The following EFCAB6 variants were observed in gnomAD, a reference collection of about 807,000 sequenced individuals.
EFCAB6 encodes the protein EF-hand calcium binding domain 6, also known as EF-hand calcium-binding domain-containing protein 6.
In EFCAB6, 156 loss-of-function variants were observed where a neutral mutation model predicts 169.8. The observed-to-expected ratio is 0.92, with a 90% CI of 0.81 to 1.05. EFCAB6 has a LOEUF of 1.05. EFCAB6 is among the 50% of genes least tolerant of loss of function. The probability of loss-of-function intolerance (pLI) is 0.00; values close to 1 mark genes in which losing one functional copy is unlikely to be tolerated. For missense variants in EFCAB6, 1,800 were observed against 1,829.1 expected (o/e 0.98, Z 0.29); for synonymous variants, 698 against 676.4 (o/e 1.03, Z -0.50).
In EFCAB6 at chr22:43,668,987, C is replaced by A. The variant is rs768585043; in HGVS notation, c.1699G>T (p.Ala567Ser). Reference sequence around the variant, plus strand: ...GGTGGGCCATCAATTCCTATGCATGCCAAAAGTTTCTTGTAAAGGATTCTT... The same window carrying A: ...GGTGGGCCATCAATTCCTATGCATGACAAAAGTTTCTTGTAAAGGATTCTT... The part of the protein sequence containing the change: ...SGRILYKKLL[A>S]CIGIDGPPTV... The change falls in exon 16 of 32, where the codon GCA becomes TCA. Residue 567 changes from alanine to serine, a missense_variant. By Grantham distance (99) the Ala-to-Ser change is moderately conservative (BLOSUM62 1). Coordinates refer to ENST00000262726, the MANE Select transcript of EFCAB6 (RefSeq NM_022785.4). The A allele has an allele frequency of 1.2e-6, 2 of 1,612,206 alleles. No individual in the cohort carries two copies. Among genetic ancestry groups the A allele is most frequent in the East Asian group, 2.2e-5 (1 of 44,810 alleles).
chr22:43,566,692 C>T (rs1368230595), intron 26 of EFCAB6, among the ~76,000 whole-genome samples: 1 of 152,228 alleles, frequency 6.6e-6, no homozygotes, highest in Non-Finnish European at 1.5e-5. Context: ...AACACAGAAG[C>T]CTCCTGAAAA....
At chr22:43,769,192 C>T (rs975038681) in intron 4 of EFCAB6, among the ~76,000 whole-genome samples, 1 of 152,148 alleles carries the variant, frequency 6.6e-6, no homozygotes, top group African/African-American at 2.4e-5. Context: ...CAAATTCATG[C>T]TGTAACATGG....
intron 5 of EFCAB6, among the ~76,000 whole-genome samples, chr22:43,760,576 A>C (rs1368603916): frequency 6.6e-6 from 1 of 151,776 alleles, no homozygotes; most frequent in Non-Finnish European, 1.5e-5. Flanking sequence ...GTTCCTCCAA[A>C]ATTTAGGTGT....
chr22:43,768,770 T>C (rs985960549), intron 4 of EFCAB6, among the ~76,000 whole-genome samples: 2 of 152,210 alleles, frequency 1.3e-5, no homozygotes, highest in African/African-American at 4.8e-5. Context: ...GTACTTTTGC[T>C]CTTCCTGCAT....
At chr22:43,532,580 C>CTTTTTTTT (rs34388230) in intron 30 of EFCAB6, among the ~76,000 whole-genome samples, 4 of 146,242 alleles carry the variant, frequency 2.7e-5, no homozygotes, top group Non-Finnish European at 3.0e-5. Context: ...TGTCTAAAGT[C>CTTTTTTTT]TTTTTTTTTT....
chr22:43,645,083 C>T (rs1280464830), intron 17 of EFCAB6, among the ~76,000 whole-genome samples: 1 of 152,130 alleles, frequency 6.6e-6, no homozygotes, highest in Non-Finnish European at 1.5e-5. Context: ...GTCTAGGGGT[C>T]ACAAATTGAA....
chr22:43,784,678 C>T (rs113082911), intron 2 of EFCAB6, among the ~76,000 whole-genome samples: 10,749 of 35,322 alleles, frequency 0.3, 905 homozygotes, highest in Middle Eastern at 0.39. Context: ...TACATATATA[C>T]ACACACACAC....
intron 11 of EFCAB6, 27 bp downstream of exon 11, chr22:43,687,444 T>C: frequency 7.9e-7 from 1 of 1,271,832 alleles, no homozygotes; most frequent in Non-Finnish European, 1.1e-6. Context: ...GTAACTAAAA[T>C]TTGTTTTTTT....
intron 4 of EFCAB6, among the ~76,000 whole-genome samples, 189 bp from the exon 5 acceptor site, chr22:43,765,582 AAT>A (rs1191365588): frequency 1.3e-5 from 2 of 152,190 alleles, no homozygotes; most frequent in Non-Finnish European, 2.9e-5. Context: ...ATTCTCAGCA[AAT>A]AGAGTGTAAA....
intron 23 of EFCAB6, among the ~76,000 whole-genome samples, chr22:43,595,588 C>A (rs2051936954): frequency 6.6e-6 from 1 of 152,044 alleles, no homozygotes; most frequent in African/African-American, 2.4e-5. Flanking sequence ...TGAGTAACAA[C>A]ATCAAAGCAG....
At chr22:43,770,788 T>C (rs1434522006) in intron 4 of EFCAB6, among the ~76,000 whole-genome samples, 1 of 151,444 alleles carries the variant, frequency 6.6e-6, no homozygotes, top group Non-Finnish European at 1.5e-5. Context: ...CAGAAAAAAA[T>C]TTGAGAAAAT....
At chr22:43,771,662 A>G (rs930970907) in intron 4 of EFCAB6, among the ~76,000 whole-genome samples, 4 of 152,020 alleles carry the variant, frequency 2.6e-5, no homozygotes, top group African/African-American at 9.7e-5. Context: ...CCCCAAGGAT[A>G]CAGTCCACAG....
intron 6 of EFCAB6, among the ~76,000 whole-genome samples, chr22:43,748,058 T>G (rs190888211): frequency 6.6e-6 from 1 of 152,166 alleles, no homozygotes; most frequent in Non-Finnish European, 1.5e-5. Context: ...AATAACCACA[T>G]GGTGTCCCCA....
intron 18 of EFCAB6, 26 bp downstream of exon 18, chr22:43,635,076 A>C: frequency 6.3e-7 from 1 of 1,592,604 alleles, no homozygotes; most frequent in Non-Finnish European, 8.6e-7. Context: ...CGCATCCCAC[A>C]GGGTGTGGAC....
At chr22:43,553,713 C>T (rs1173080566) in intron 27 of EFCAB6, 1 of 152,338 alleles carries the variant, frequency 6.6e-6, no homozygotes, top group African/African-American at 2.4e-5. Flanking sequence ...AAGGCAGACT[C>T]TGAGGACGCC....
chr22:43,749,215 G>A (rs915543147), intron 6 of EFCAB6, among the ~76,000 whole-genome samples: 1 of 152,110 alleles, frequency 6.6e-6, no homozygotes, highest in Admixed American at 6.5e-5. Flanking sequence ...ATGAGTGGTA[G>A]AACCATTTAC....
At chr22:43,709,040 T>C (rs1178639458) in intron 10 of EFCAB6, among the ~76,000 whole-genome samples, 1 of 152,166 alleles carries the variant, frequency 6.6e-6, no homozygotes, top group Non-Finnish European at 1.5e-5. Flanking sequence ...TTCATAGATA[T>C]CATCACTCTG....
At chr22:43,679,909 A>G (rs1290477121) in intron 12 of EFCAB6, among the ~76,000 whole-genome samples, 1 of 152,178 alleles carries the variant, frequency 6.6e-6, no homozygotes, top group Non-Finnish European at 1.5e-5. Context: ...TGATTTGCAT[A>G]TATCTTCTCC....
intron 25 of EFCAB6, among the ~76,000 whole-genome samples, chr22:43,578,708 A>T (rs995737843): frequency 8.6e-5 from 13 of 152,008 alleles, no homozygotes; most frequent in African/African-American, 3.1e-4. Flanking sequence ...CTGTACATGC[A>T]GGCATCATTC....
Sources: gnomAD v4.1 joint callset for allele counts (sites outside exome capture counted in the v4.1 genomes callset) on GRCh38, gnomAD v4.1.1 for gene constraint, MANE v1.5 for transcripts, NCBI Gene and HGNC (gene_info 2026-07-23, HGNC 2026-07-21) for gene names.